Variants in GLIS1 observed in about 807,000 individuals in gnomAD.
GLIS1 encodes the protein zinc finger protein GLIS1.
A neutral mutation model predicts 63.8 loss-of-function variants in GLIS1; 24 were observed. That is an observed-to-expected ratio of 0.38 (90% CI 0.27 to 0.53). The LOEUF is 0.53. Among genes scored for constraint, GLIS1 ranks in the 20% least tolerant of loss-of-function variants. The probability of loss-of-function intolerance (pLI) is 0.85; values close to 1 mark genes in which losing one functional copy is unlikely to be tolerated. For missense variants in GLIS1, 1,036 were observed against 1,074.1 expected, an observed-to-expected ratio of 0.96 and a Z score of 0.50; for synonymous variants, 450 against 482.5, an observed-to-expected ratio of 0.93 and a Z score of 0.88.
chr1:53,716,964 T>C (rs1257640773), intron 2 of GLIS1, among the ~76,000 whole-genome samples: 3 of 151,858 alleles, frequency 2.0e-5, no homozygotes, highest in African/African-American at 7.3e-5. Flanking sequence ...AGACAGAAAA[T>C]TCATAAACTA....
At chr1:53,609,739 C>T (rs149772853) in intron 2 of GLIS1, among the ~76,000 whole-genome samples, 1,771 of 152,282 alleles carry the variant, frequency 0.012, 21 homozygotes, top group African/African-American at 0.027. Flanking sequence ...GGGATACATT[C>T]TGAGAAATGC....
chr1:53,605,784 G>A (rs577334718), intron 2 of GLIS1, among the ~76,000 whole-genome samples: 5 of 152,314 alleles, frequency 3.3e-5, no homozygotes, highest in East Asian at 1.9e-4. Flanking sequence ...CAGTGAGTGC[G>A]TTCTCTAGAC....
At chr1:53,702,882 G>T (rs933975536) in intron 2 of GLIS1, among the ~76,000 whole-genome samples, 3 of 152,186 alleles carry the variant, frequency 2.0e-5, no homozygotes, top group African/African-American at 7.2e-5. Flanking sequence ...TGGGAGCATG[G>T]CACTGAAGGC....
At chr1:53,709,902 A>G (rs1482006353) in intron 2 of GLIS1, among the ~76,000 whole-genome samples, 1 of 152,158 alleles carries the variant, frequency 6.6e-6, no homozygotes, top group Non-Finnish European at 1.5e-5. Flanking sequence ...TTGTTGGGAG[A>G]CTGGTGGAGG....
intron 4 of GLIS1, among the ~76,000 whole-genome samples, chr1:53,589,664 T>C (rs927735358): frequency 6.6e-6 from 1 of 152,082 alleles, no homozygotes; most frequent in Admixed American, 6.6e-5. Flanking sequence ...GCGTAAGGAA[T>C]GGAGACCAGT....
chr1:53,590,280 G>A (rs1451479747), intron 4 of GLIS1, among the ~76,000 whole-genome samples: 1 of 152,138 alleles, frequency 6.6e-6, no homozygotes, highest in Non-Finnish European at 1.5e-5. Context: ...TCACACAGCT[G>A]CCAAGTGACT....
intron 2 of GLIS1, among the ~76,000 whole-genome samples, chr1:53,659,024 C>T (rs529717372): frequency 2.8e-4 from 43 of 152,262 alleles, no homozygotes; most frequent in African/African-American, 9.4e-4. Context: ...GAATGCGGAT[C>T]GTGGCAGGGG....
intron 2 of GLIS1, among the ~76,000 whole-genome samples, chr1:53,655,409 A>G (rs755260006): frequency 1.5e-4 from 23 of 152,200 alleles, no homozygotes; most frequent in South Asian, 6.2e-4. Context: ...AATGCATTCT[A>G]CCACATGCTA....
intron 4 of GLIS1, among the ~76,000 whole-genome samples, chr1:53,543,197 C>T (rs535363738): frequency 6.6e-6 from 1 of 151,798 alleles, no homozygotes; most frequent in Admixed American, 6.5e-5. Flanking sequence ...AGGTTTGGAC[C>T]TGACATAAGT....
At chr1:53,561,324 T>C (rs1288984284) in intron 4 of GLIS1, among the ~76,000 whole-genome samples, 2 of 152,120 alleles carry the variant, frequency 1.3e-5, no homozygotes, top group Non-Finnish European at 2.9e-5. Flanking sequence ...AATTTCATCA[T>C]AGCCCAGGAC....
At chr1:53,545,519 A>G (rs2986655) in intron 4 of GLIS1, among the ~76,000 whole-genome samples, 87,413 of 152,088 alleles carry the variant, frequency 0.57, 25,649 homozygotes, top group Middle Eastern at 0.64. Flanking sequence ...TCAAGTACCT[A>G]AACAGTAAGT....
intron 2 of GLIS1, among the ~76,000 whole-genome samples, chr1:53,654,196 C>T (rs905307148): frequency 3.3e-5 from 5 of 152,244 alleles, no homozygotes; most frequent in South Asian, 2.1e-4. Flanking sequence ...TTATTGAGCA[C>T]TCCTCTGTGC....
At chr1:53,715,462 G>A (rs1407164991) in intron 2 of GLIS1, among the ~76,000 whole-genome samples, 1 of 152,200 alleles carries the variant, frequency 6.6e-6, no homozygotes, top group Non-Finnish European at 1.5e-5. Context: ...GGAGGCCAGG[G>A]CAGAAGAACA....
chr1:53,643,722 C>A (rs943474494), intron 2 of GLIS1, among the ~76,000 whole-genome samples: 2 of 152,206 alleles, frequency 1.3e-5, no homozygotes, highest in Admixed American at 6.5e-5. Context: ...CCTCCTACCC[C>A]AGGGCTACGA....
chr1:53,626,664 G>A (rs977469313), intron 2 of GLIS1, among the ~76,000 whole-genome samples: 18 of 152,244 alleles, frequency 1.2e-4, no homozygotes, highest in African/African-American at 4.1e-4. Flanking sequence ...GCCTGGCTCA[G>A]AACAGAAATT....
chr1:53,659,410 C>T (rs1032684818), intron 2 of GLIS1, among the ~76,000 whole-genome samples: 2 of 152,190 alleles, frequency 1.3e-5, no homozygotes, highest in African/African-American at 4.8e-5. Flanking sequence ...ACTGGGTAAC[C>T]TCTTAGATTA....
At chr1:53,690,979 G>C (rs1284370058) in intron 2 of GLIS1, among the ~76,000 whole-genome samples, 3 of 152,210 alleles carry the variant, frequency 2.0e-5, no homozygotes, top group African/African-American at 7.2e-5. Flanking sequence ...TGTCCAGCTA[G>C]CAGTGAAGGA....
At chr1:53,718,492 T>C (rs1557539328) in intron 2 of GLIS1, among the ~76,000 whole-genome samples, 1 of 152,152 alleles carries the variant, frequency 6.6e-6, no homozygotes, top group Non-Finnish European at 1.5e-5. Context: ...AGAGGTCATA[T>C]GTAACCTCAG....
intron 2 of GLIS1, among the ~76,000 whole-genome samples, chr1:53,706,331 A>C (rs1357701843): frequency 6.6e-6 from 1 of 152,248 alleles, no homozygotes; most frequent in East Asian, 1.9e-4. Flanking sequence ...TCTGTAGGAA[A>C]GCACTTACAT....
Sources: gnomAD v4.1 joint callset for allele counts (sites outside exome capture counted in the v4.1 genomes callset) on GRCh38, gnomAD v4.1.1 for gene constraint, MANE v1.5 for transcripts, NCBI Gene and HGNC (gene_info 2026-07-23, HGNC 2026-07-21) for gene names.